The following NRXN3 variants were observed in gnomAD, a reference collection of about 807,000 sequenced individuals.
NRXN3 encodes neurexin 3.
In NRXN3, 32 loss-of-function variants were observed where a neutral mutation model predicts 137.6. The ratio of observed to expected loss-of-function variants is 0.23; its 90% CI spans 0.18 to 0.31. The LOEUF is 0.31. Ranked by LOEUF, NRXN3 falls within the 10% of genes least tolerant of loss-of-function variation. NRXN3 has a pLI of 1.00. For missense variants in NRXN3, 1,574 were observed against 2,062.5 expected (o/e 0.76, Z 4.59); for synonymous variants, 798 against 784.5 (o/e 1.02, Z -0.29).
At chr14:78,665,878 T>C (rs938724385) in intron 6 of NRXN3, among the ~76,000 whole-genome samples, 5 of 152,156 alleles carry the variant, frequency 3.3e-5, no homozygotes, top group African/African-American at 1.2e-4. Context: ...CAATGTCAAT[T>C]TATCAAGCTT....
In NRXN3 at chr14:78,943,660, A is replaced by C. The variant is rs1214615844; in HGVS notation, c.2276-13582A>C. The stretch of plus-strand genomic sequence containing the variant: ...TATATATATATATATATATATATAT[A>C]TATATATATATATATATATCTCAAA... On this transcript the variant is annotated intron_variant, in intron 10 of 20. Coordinates refer to ENST00000335750, the MANE Select transcript of NRXN3 (RefSeq NM_001330195.2). Among the ~76,000 whole-genome samples the C allele has an allele frequency of 8.0e-5, 7 of 87,568 alleles. 1 individual carries two copies. In the East Asian group the frequency reaches 1.5e-3, roughly 18 times the overall value. 57.4% of individuals were successfully genotyped at this position (87,568 alleles called of 152,430 possible).
At chr14:78,793,308 G>A (rs970648218) in intron 8 of NRXN3, among the ~76,000 whole-genome samples, 1 of 152,264 alleles carries the variant, frequency 6.6e-6, no homozygotes, top group Middle Eastern at 3.4e-3. Flanking sequence ...CACTTGGTGA[G>A]AACAGTGACG....
At chr14:79,566,213 G>A (rs2097549032) in intron 16 of NRXN3, among the ~76,000 whole-genome samples, 1 of 151,840 alleles carries the variant, frequency 6.6e-6, no homozygotes, top group Non-Finnish European at 1.5e-5. Context: ...AATTAACTCA[G>A]TGGAGCAAAT....
Position 78,714,926 on chromosome 14 carries a change from A to G in NRXN3, c.1831A>G (p.Ile611Val). The change falls in exon 8 of 21, where the codon ATC (isoleucine) becomes GTC (valine). Residue 611 changes from isoleucine (I) to valine (V), a missense_variant. By Grantham distance (29) the Ile-to-Val change is conservative. This residue lies in a region of NRXN3 where 718 missense variants were observed against 887.6 expected (regional missense o/e 0.81). Transcript: ENST00000335750. ...AMLNYGYVGCIRDLFIDGRSK... is the reference protein window; with the variant it reads ...AMLNYGYVGCVRDLFIDGRSK... The stretch of plus-strand genomic sequence containing the variant: ...GCTCAACTATGGCTACGTGGGCTGC[A>G]TCCGCGACCTATTCATTGATGGGCG... 1 of 1,614,142 alleles carries G rather than the reference A, an allele frequency of 6.2e-7. No homozygotes were observed. Among genetic ancestry groups the G allele is most frequent in the South Asian group, 1.1e-5 (1 of 91,072 alleles).
chr14:79,169,311 A>G (rs571668365), intron 15 of NRXN3, among the ~76,000 whole-genome samples: 3 of 152,160 alleles, frequency 2.0e-5, no homozygotes, highest in Admixed American at 6.5e-5. Flanking sequence ...CTTTTCCTCA[A>G]TTACAAAAGC....
intron 16 of NRXN3, among the ~76,000 whole-genome samples, chr14:79,570,220 G>A (rs956547914): frequency 1.3e-5 from 2 of 152,100 alleles, no homozygotes; most frequent in African/African-American, 4.8e-5. Context: ...TCTGCTGCCT[G>A]TCAATCCACC....
chr14:79,516,033 C>G (rs2096980807), intron 16 of NRXN3, among the ~76,000 whole-genome samples: 1 of 152,078 alleles, frequency 6.6e-6, no homozygotes, highest in African/African-American at 2.4e-5. Flanking sequence ...CTAAACTGCC[C>G]CTAGAGAAAG....
rs964601436 is a variant in NRXN3, at chr14:78,173,440, G to A, written c.-704+2766G>A. Among the ~76,000 whole-genome samples, 5 of 151,726 alleles carry A rather than the reference G, an allele frequency of 3.3e-5. No homozygotes were observed. In the East Asian group the frequency reaches 7.8e-4, roughly 24 times the overall value. On this transcript the variant is annotated intron_variant, in intron 1 of 20. Coordinates refer to ENST00000335750, the MANE Select transcript of NRXN3 (RefSeq NM_001330195.2). ...GAGAGGCAGCGGAGAGATGGGGGAC[G>A]GGTTGTCAGTCTTGGATGAACAGTG...
intron 8 of NRXN3, among the ~76,000 whole-genome samples, chr14:78,791,602 T>C (rs1239810230): frequency 1.3e-5 from 2 of 152,084 alleles, no homozygotes; most frequent in African/African-American, 4.8e-5. Flanking sequence ...GTAGTGGAAA[T>C]GGCTATAGGA....
chr14:79,271,806 C>G (rs1165743304), intron 15 of NRXN3, among the ~76,000 whole-genome samples: 2 of 152,030 alleles, frequency 1.3e-5, no homozygotes, highest in African/African-American at 2.4e-5. Flanking sequence ...CTTTCTCTGC[C>G]AATTTAAAAT....
At chr14:79,526,501 G>A (rs1354597256) in intron 16 of NRXN3, among the ~76,000 whole-genome samples, 2 of 152,188 alleles carry the variant, frequency 1.3e-5, no homozygotes, top group East Asian at 1.9e-4. Context: ...GTTAGCACTG[G>A]CCTCATCTAG....
At chr14:79,553,435 C>T (rs978721864) in intron 16 of NRXN3, among the ~76,000 whole-genome samples, 1 of 152,138 alleles carries the variant, frequency 6.6e-6, no homozygotes, top group Non-Finnish European at 1.5e-5. Context: ...AAATTACACC[C>T]AGGTCTGATT....
chr14:79,852,234 A>AAC (rs45581833), intron 20 of NRXN3, among the ~76,000 whole-genome samples: 15,027 of 128,016 alleles, frequency 0.12, 877 homozygotes, highest in Middle Eastern at 0.17. Flanking sequence ...TTCAACTCCC[A>AAC]ACACACACAC....
At chr14:78,574,851 C>T (rs780062240) in intron 4 of NRXN3, among the ~76,000 whole-genome samples, 14 of 152,116 alleles carry the variant, frequency 9.2e-5, no homozygotes, top group Non-Finnish European at 1.8e-4. Flanking sequence ...AATGGCAAAC[C>T]GCACAAGAAT....
At chr14:79,654,998 T>C (rs2098498425) in intron 16 of NRXN3, among the ~76,000 whole-genome samples, 1 of 152,182 alleles carries the variant, frequency 6.6e-6, no homozygotes, top group Non-Finnish European at 1.5e-5. Context: ...ATCTCTCATT[T>C]ATAGAGGAGC....
At chr14:78,194,389 C>G (rs147307813) in intron 1 of NRXN3, among the ~76,000 whole-genome samples, 26 of 152,188 alleles carry the variant, frequency 1.7e-4, no homozygotes, top group African/African-American at 4.8e-4. Context: ...CTGGGGAGTC[C>G]AAGCTCTGAG....
intron 2 of NRXN3, among the ~76,000 whole-genome samples, chr14:78,265,753 C>T (rs940678319): frequency 9.2e-5 from 14 of 152,168 alleles, no homozygotes; most frequent in Admixed American, 2.0e-4. Flanking sequence ...CAAAATTGTC[C>T]AGCTGAGTGT....
intron 3 of NRXN3, among the ~76,000 whole-genome samples, chr14:78,284,017 A>G (rs949635425): frequency 2.0e-5 from 3 of 152,190 alleles, no homozygotes; most frequent in Non-Finnish European, 2.9e-5. Context: ...AAGAGAACCT[A>G]CCTCATGGAG....
intron 15 of NRXN3, among the ~76,000 whole-genome samples, chr14:79,401,498 T>C (rs1188129290): frequency 6.6e-6 from 1 of 152,192 alleles, no homozygotes; most frequent in Non-Finnish European, 1.5e-5. Context: ...CTGATGTGCA[T>C]TGTCCTAGGA....
Sources: allele counts gnomAD v4.1 joint callset (sites outside exome capture counted in the v4.1 genomes callset), GRCh38; gene constraint gnomAD v4.1.1; regional missense constraint gnomAD v4.1.1; transcripts MANE v1.5; gene names NCBI Gene and HGNC (gene_info 2026-07-23, HGNC 2026-07-21).